Variants in TENT2 observed in about 807,000 individuals in gnomAD.
The protein encoded by TENT2 is poly(A) RNA polymerase GLD2.
Under a neutral mutation model 72.2 loss-of-function variants are expected in TENT2, and 44 were observed. The ratio of observed to expected loss-of-function variants is 0.61; its 90% CI spans 0.48 to 0.78. The LOEUF is 0.78. Ranked by LOEUF, TENT2 falls within the 30% of genes least tolerant of loss-of-function variation. The pLI is 0.00. For synonymous variants in TENT2, 212 were observed against 192.5 expected, an observed-to-expected ratio of 1.10 and a Z score of -0.84; for missense variants, 541 against 569.6, an observed-to-expected ratio of 0.95 and a Z score of 0.51.
Position 79,623,425 on chromosome 5 carries a change from C to T in TENT2, c.401C>T (p.Pro134Leu), listed in dbSNP as rs148638193. Residue 134 changes from proline (P) to leucine (L), a missense_variant, in exon 4 of 15, where the codon CCA becomes CTA. By Grantham distance (98) the Pro-to-Leu change is moderately conservative. Transcript: ENST00000453514. Reference protein sequence around the residue: ...HYVPDIVRCVPPFREIAFLEP... With the variant: ...HYVPDIVRCVLPFREIAFLEP... The stretch of plus-strand genomic sequence containing the variant: ...GTACCAGATATAGTCAGATGTGTTC[C>T]ACCTTTTCGAGAAATTGCATTTTTA... The T allele has an allele frequency of 1.7e-5, 27 of 1,611,566 alleles. No individual in the cohort carries two copies. The East Asian group carries it at 5.1e-4, about 31-fold the overall frequency.
intron 4 of TENT2, among the ~76,000 whole-genome samples, chr5:79,638,492 C>A (rs1477000033): frequency 6.6e-6 from 1 of 152,094 alleles, no homozygotes; most frequent in Non-Finnish European, 1.5e-5. Context: ...GTTTGGAGGT[C>A]TCTGATCTTT....
chr5:79,616,504 G>A (rs1474774958), intron 1 of TENT2, among the ~76,000 whole-genome samples: 3 of 151,826 alleles, frequency 2.0e-5, no homozygotes, highest in African/African-American at 7.3e-5. Flanking sequence ...TTGTTGTAGA[G>A]ATGGGGTTTT....
intron 11 of TENT2, among the ~76,000 whole-genome samples, chr5:79,663,705 A>C (rs1804880932): frequency 6.6e-6 from 1 of 152,218 alleles, no homozygotes; most frequent in Non-Finnish European, 1.5e-5. Flanking sequence ...GATCACCATA[A>C]GATACAATAA....
Position 79,649,060 on chromosome 5 carries a change from A to G in TENT2, c.899-2A>G. 1.2e-6 allele frequency: 2 copies of G among 1,612,736 alleles called. No individual in the cohort carries two copies. The highest frequency in any genetic ancestry group is 2.2e-5 in the South Asian group (2 of 91,014). On this transcript the variant is annotated splice_acceptor_variant, in intron 9 of 14. Coordinates refer to ENST00000453514, the MANE Select transcript of TENT2 (RefSeq NM_001114394.3). LOFTEE classifies it high-confidence loss of function. ...CATGTTAAGTTTTAATTTTACTTTC[A>G]GTTGAAAATCGAGTTCGTCCGTTAG...
intron 13 of TENT2, 99 bp from the exon 14 acceptor site, chr5:79,681,883 G>C: frequency 1.0e-6 from 1 of 971,436 alleles, no homozygotes; most frequent in Non-Finnish European, 1.5e-6. Flanking sequence ...ATTTTTGTAG[G>C]TTAAAAACTG....
At chr5:79,658,752 G>T (rs868162267) in intron 11 of TENT2, among the ~76,000 whole-genome samples, 1 of 152,170 alleles carries the variant, frequency 6.6e-6, no homozygotes, top group Non-Finnish European at 1.5e-5. Context: ...TAATATAGGA[G>T]ACTGGCGAAA....
At chr5:79,639,476 G>GTT (rs1178089068) in intron 4 of TENT2, among the ~76,000 whole-genome samples, 6 of 134,448 alleles carry the variant, frequency 4.5e-5, no homozygotes, top group African/African-American at 2.0e-4. Flanking sequence ...CAGTGAAGGT[G>GTT]GTTTTTTTTT....
intron 3 of TENT2, among the ~76,000 whole-genome samples, chr5:79,621,027 A>T (rs187269098): frequency 1.3e-5 from 2 of 152,270 alleles, no homozygotes; most frequent in Non-Finnish European, 2.9e-5. Flanking sequence ...AGATACCACT[A>T]TTACTTAAAA....
intron 11 of TENT2, among the ~76,000 whole-genome samples, chr5:79,659,017 C>T (rs938243891): frequency 2.6e-5 from 4 of 152,014 alleles, no homozygotes; most frequent in Non-Finnish European, 4.4e-5. Context: ...GCAAGACCTG[C>T]GAGATTAGGA....
rs1820279277 is a variant in TENT2, at chr5:79,679,759, A to G, written c.1300+89A>G. On this transcript the variant is annotated intron_variant, in intron 13 of 14. Coordinates refer to ENST00000453514, the MANE Select transcript of TENT2 (RefSeq NM_001114394.3). The stretch of plus-strand genomic sequence containing the variant: ...GCTGTGTTTCAGTTAAAAGTAATAC[A>G]TTTATGTCTGAAGTGATTTGTAAGT... 1.4e-5 allele frequency: 10 copies of G among 694,746 alleles called. 1 individual carries two copies. The highest frequency in any genetic ancestry group is 9.2e-5 in the African/African-American group (5 of 54,114). The allele number at this position is 694,746 out of a possible 1,614,324, so 43.0% of individuals were successfully genotyped here. A position where few individuals can be genotyped will look rare whatever the true frequency, so the allele number is the denominator to read the frequency against.
intron 4 of TENT2, among the ~76,000 whole-genome samples, chr5:79,639,957 T>C (rs1188307107): frequency 6.6e-6 from 1 of 151,752 alleles, no homozygotes; most frequent in Non-Finnish European, 1.5e-5. Flanking sequence ...ACCAGATCAG[T>C]AGATAAAAGG....
At chr5:79,641,037 AAT>A in intron 5 of TENT2, 66 bp from the exon 6 acceptor site, 1 of 1,418,576 alleles carries the variant, frequency 7.0e-7, no homozygotes, top group Non-Finnish European at 9.6e-7. Flanking sequence ...TTTTTTTTTT[AAT>A]AGGCACAGAA....
intron 8 of TENT2, 74 bp downstream of exon 8, chr5:79,645,266 A>G: frequency 1.7e-6 from 2 of 1,159,070 alleles, no homozygotes; most frequent in South Asian, 2.9e-5. Context: ...AAAGATAATT[A>G]AGAAGTGTAT....
At chr5:79,658,900 T>C (rs534204033) in intron 11 of TENT2, among the ~76,000 whole-genome samples, 7 of 152,276 alleles carry the variant, frequency 4.6e-5, no homozygotes, top group South Asian at 4.1e-4. Context: ...TCTGTTCATA[T>C]CCACTACCTC....
chr5:79,665,382 G>C (rs1806641207), intron 11 of TENT2, among the ~76,000 whole-genome samples: 1 of 152,104 alleles, frequency 6.6e-6, no homozygotes, highest in South Asian at 2.1e-4. Flanking sequence ...ATTCCAGAAA[G>C]CGCTTAATTG....
At chr5:79,634,775 GGTAGCCTAA>G (rs1453975308) in intron 4 of TENT2, among the ~76,000 whole-genome samples, 1 of 150,306 alleles carries the variant, frequency 6.7e-6, no homozygotes, top group Non-Finnish European at 1.5e-5. Flanking sequence ...GATCTTGGTA[GGTAGCCTAA>G]GCAGATAATA....
At chr5:79,678,129 TTATA>T (rs959404025) in intron 12 of TENT2, among the ~76,000 whole-genome samples, 7 of 152,180 alleles carry the variant, frequency 4.6e-5, no homozygotes, top group African/African-American at 1.7e-4. Context: ...ACAAATCCTG[TTATA>T]TATATTTTTA....
At chr5:79,681,912 CAAACCTAAAAAAG>C in intron 13 of TENT2, 57 bp from the exon 14 acceptor site, 1 of 1,323,178 alleles carries the variant, frequency 7.6e-7, no homozygotes, top group Non-Finnish European at 1.1e-6. Context: ...TTGACAGTAT[CAAACCTAAAAAAG>C]AAACTGTAGC....
intron 12 of TENT2, among the ~76,000 whole-genome samples, chr5:79,675,905 T>C (rs1341543379): frequency 1.2e-4 from 18 of 152,064 alleles, no homozygotes; most frequent in Admixed American, 1.2e-3. Flanking sequence ...CTAAGGTGTG[T>C]ACTCTAGCAT....
Sources: allele counts gnomAD v4.1 joint callset (sites outside exome capture counted in the v4.1 genomes callset), GRCh38; gene constraint gnomAD v4.1.1; transcripts MANE v1.5; gene names NCBI Gene and HGNC (gene_info 2026-07-23, HGNC 2026-07-21).